SPAG16: variants seen among roughly 807,000 people sequenced by gnomAD.
SPAG16 encodes the protein sperm-associated antigen 16 protein.
Under a neutral mutation model 80.4 loss-of-function variants are expected in SPAG16, and 86 were observed. That is an observed-to-expected ratio of 1.07 (90% CI 0.90 to 1.28). The LOEUF is 1.28. SPAG16 is among the 50% of genes most tolerant of loss of function. The pLI, the probability that SPAG16 is intolerant of heterozygous loss-of-function variation, is 0.00. For synonymous variants in SPAG16, 294 were observed against 265.9 expected, an observed-to-expected ratio of 1.11 and a Z score of -1.03; for missense variants, 870 against 765.3, an observed-to-expected ratio of 1.14 and a Z score of -1.61.
intron 11 of SPAG16, among the ~76,000 whole-genome samples, chr2:213,929,726 A>C (rs572899588): frequency 6.6e-6 from 1 of 152,302 alleles, no homozygotes; most frequent in East Asian, 1.9e-4. Context: ...TAGCAGAATT[A>C]ATCTAGAAAC....
chr2:214,122,215 A>T (rs1164924823), intron 14 of SPAG16, among the ~76,000 whole-genome samples: 1 of 151,868 alleles, frequency 6.6e-6, no homozygotes, highest in African/African-American at 2.4e-5. Flanking sequence ...CCTAAAAAAG[A>T]ATGTGTAACT....
At chr2:213,749,295 A>G (rs974066886) in intron 10 of SPAG16, among the ~76,000 whole-genome samples, 1 of 152,100 alleles carries the variant, frequency 6.6e-6, no homozygotes, top group Non-Finnish European at 1.5e-5. Flanking sequence ...ATCTATTTAT[A>G]TAATTGTATT....
intron 9 of SPAG16, among the ~76,000 whole-genome samples, chr2:213,432,053 GA>G (rs1054508138): frequency 4.6e-5 from 7 of 151,978 alleles, no homozygotes; most frequent in Non-Finnish European, 8.8e-5. Context: ...GAAGGAATAT[GA>G]AAACACAACA....
rs138087642 is a variant in SPAG16, at chr2:214,035,122, G to A, written c.1527+21045G>A. On this transcript the variant is annotated intron_variant, in intron 13 of 15. Transcript: ENST00000331683. ...TTCAGCTCTCTGCAGAGAGGAGACC[G>A]TGGGGTAGGTAGCTCCTCTCTGCAG... is the stretch of plus-strand genomic sequence containing the variant. Among the ~76,000 whole-genome samples, 1,397 of 152,174 alleles carry A rather than the reference G, an allele frequency of 9.2e-3. 10 individuals carry two copies. The highest frequency in any genetic ancestry group is 0.016 in the Non-Finnish European group (1,096 of 67,970).
intron 10 of SPAG16, among the ~76,000 whole-genome samples, chr2:213,670,816 C>G (rs1028137): frequency 0.22 from 34,125 of 152,024 alleles, 4,534 homozygotes; most frequent in East Asian, 0.35. Flanking sequence ...TTTTGAATTT[C>G]TCAAATGCCG....
intron 10 of SPAG16, among the ~76,000 whole-genome samples, chr2:213,589,611 A>G (rs1424720481): frequency 2.0e-5 from 3 of 152,132 alleles, no homozygotes; most frequent in African/African-American, 7.2e-5. Context: ...ACGCCACCGC[A>G]GCTTCACCCT....
At chr2:213,503,109 T>G (rs2074812519) in intron 10 of SPAG16, among the ~76,000 whole-genome samples, 1 of 152,248 alleles carries the variant, frequency 6.6e-6, no homozygotes, top group South Asian at 2.1e-4. Context: ...ATGTATCTGT[T>G]TATGTATCTT....
chr2:214,015,326 C>A (rs2047532655), intron 13 of SPAG16, among the ~76,000 whole-genome samples: 1 of 152,048 alleles, frequency 6.6e-6, no homozygotes, highest in Non-Finnish European at 1.5e-5. Context: ...CGGCTGGGTG[C>A]AGTGGCTCAC....
intron 3 of SPAG16, among the ~76,000 whole-genome samples, chr2:213,301,395 A>AT (rs1249635783): frequency 1.3e-5 from 2 of 152,112 alleles, no homozygotes; most frequent in Non-Finnish European, 2.9e-5. Flanking sequence ...TTCATTGTTT[A>AT]TTTTTTTGTT....
At chr2:214,014,696 A>C (rs930894419) in intron 13 of SPAG16, among the ~76,000 whole-genome samples, 5 of 152,234 alleles carry the variant, frequency 3.3e-5, no homozygotes, top group African/African-American at 1.2e-4. Flanking sequence ...TTAAGGAAAA[A>C]GAGGCATGAT....
At chr2:214,038,774 T>G (rs1222973527) in intron 13 of SPAG16, among the ~76,000 whole-genome samples, 1 of 149,600 alleles carries the variant, frequency 6.7e-6, no homozygotes, top group Admixed American at 6.7e-5. Context: ...TTCCCACCTA[T>G]GAGTGAGAAC....
chr2:214,271,525 G>A (rs552733470), intron 15 of SPAG16, among the ~76,000 whole-genome samples: 1 of 152,300 alleles, frequency 6.6e-6, no homozygotes, highest in East Asian at 1.9e-4. Flanking sequence ...AACTGGCCAC[G>A]TGTGGTGGCT....
intron 3 of SPAG16, among the ~76,000 whole-genome samples, chr2:213,302,325 A>G (rs973830881): frequency 5.3e-5 from 8 of 152,290 alleles, no homozygotes; most frequent in Middle Eastern, 3.4e-3. Flanking sequence ...TATAATAGGG[A>G]TAAAAGTGTA....
At chr2:214,391,706 T>C (rs1701089429) in intron 15 of SPAG16, among the ~76,000 whole-genome samples, 1 of 152,114 alleles carries the variant, frequency 6.6e-6, no homozygotes. Context: ...GACTTCCACA[T>C]AAATGAGCTA....
chr2:214,028,367 T>C (rs1430631816), intron 13 of SPAG16, among the ~76,000 whole-genome samples: 1 of 152,070 alleles, frequency 6.6e-6, no homozygotes, highest in African/African-American at 2.4e-5. Context: ...AGATAGATGA[T>C]GGAGCCTTTT....
chr2:213,454,786 C>A (rs1000162277), intron 9 of SPAG16, among the ~76,000 whole-genome samples: 8 of 152,098 alleles, frequency 5.3e-5, no homozygotes, highest in Non-Finnish European at 8.8e-5. Context: ...TACAGTCATT[C>A]TATAATGCAC....
chr2:213,325,542 A>G (rs2063805563), intron 5 of SPAG16, among the ~76,000 whole-genome samples: 1 of 151,942 alleles, frequency 6.6e-6, no homozygotes, highest in Non-Finnish European at 1.5e-5. Flanking sequence ...AAGTTTGCCA[A>G]TTTCCACAGA....
chr2:213,498,670 C>G (rs1264982385), intron 10 of SPAG16, among the ~76,000 whole-genome samples: 1 of 152,074 alleles, frequency 6.6e-6, no homozygotes, highest in Non-Finnish European at 1.5e-5. Flanking sequence ...TAGCAGGTCT[C>G]AATACCAGCT....
intron 10 of SPAG16, among the ~76,000 whole-genome samples, chr2:213,791,561 C>T (rs2070705676): frequency 6.6e-6 from 1 of 152,118 alleles, no homozygotes; most frequent in South Asian, 2.1e-4. Flanking sequence ...CTAGTGTTCT[C>T]TCAGCAGTGG....
Sources: gnomAD v4.1 joint callset for allele counts (sites outside exome capture counted in the v4.1 genomes callset) on GRCh38, gnomAD v4.1.1 for gene constraint, MANE v1.5 for transcripts, NCBI Gene and HGNC (gene_info 2026-07-23, HGNC 2026-07-21) for gene names.